ZNF692: variants seen among roughly 807,000 people sequenced by gnomAD.
ZNF692 encodes the protein AICAR responsive element binding protein.
Under a neutral mutation model 49.0 loss-of-function variants are expected in ZNF692, and 41 were observed. That is an observed-to-expected ratio of 0.84 (90% CI 0.65 to 1.08). The LOEUF (loss-of-function observed/expected upper bound fraction) is 1.08, where lower values mean the gene tolerates loss of function less well. ZNF692 is among the 50% of genes least tolerant of loss of function. The pLI, the probability that ZNF692 is intolerant of heterozygous loss-of-function variation, is 0.00. For synonymous variants in ZNF692, 288 were observed against 251.5 expected (o/e 1.15, Z -1.37); for missense variants, 662 against 662.2 (o/e 1.00, Z 0.00).
In ZNF692 at chr1:248,856,519, C is replaced by A; in HGVS notation, c.519G>T (p.Leu173Phe). The A allele has an allele frequency of 6.2e-7, 1 of 1,614,258 alleles. No homozygotes were observed. Among genetic ancestry groups the A allele is most frequent in the South Asian group, 1.1e-5 (1 of 91,086 alleles). Reference protein sequence around the residue: ...EHDERTQEARLPRRVGPPPET... With the variant: ...EHDERTQEARFPRRVGPPPET... Reference sequence around the variant, plus strand: ...TCTCCTATCCACATCCTCACCTGGGCAACCTGGCCTCTTGAGTCCTCTCAT... The same window carrying A: ...TCTCCTATCCACATCCTCACCTGGGAAACCTGGCCTCTTGAGTCCTCTCAT... Residue 173 changes from leucine (L) to phenylalanine (F), a missense_variant, in exon 5 of 12, where the codon TTG (leucine) becomes TTT (phenylalanine). Transcript: ENST00000306601.
In ZNF692 at chr1:248,850,528, G is replaced by C. The variant is rs376033211; in HGVS notation, c.1254-12C>G. On this transcript the variant is annotated splice_polypyrimidine_tract_variant and intron_variant, in intron 11 of 11. Coordinates refer to ENST00000306601, the MANE Select transcript of ZNF692 (RefSeq NM_017865.4). ...CGCATATCTCACACCTGGAGTCAGG[G>C]ACAGAAGAGGGAAGGAACAAGGCCT... 3.1e-6 allele frequency: 5 copies of C among 1,598,560 alleles called. No individual in the cohort carries two copies. In the South Asian group the frequency reaches 4.5e-5, roughly 14 times the overall value.
chr1:248,851,302 G>GAGC (rs935231329), intron 10 of ZNF692, among the ~76,000 whole-genome samples: 3 of 152,018 alleles, frequency 2.0e-5, no homozygotes, highest in African/African-American at 7.3e-5. Flanking sequence ...GTGCCCTGTG[G>GAGC]AGCTACCTGT....
chr1:248,851,338 C>T (rs948204584), intron 10 of ZNF692, among the ~76,000 whole-genome samples: 1 of 152,144 alleles, frequency 6.6e-6, no homozygotes, highest in African/African-American at 2.4e-5. Context: ...CCCCTCTCCT[C>T]TTTTTCCCTG....
intron 9 of ZNF692, 49 bp from the exon 10 acceptor site, chr1:248,854,100 A>T (rs1659937513): frequency 2.8e-6 from 4 of 1,416,354 alleles, no homozygotes; most frequent in Admixed American, 1.7e-5. Flanking sequence ...AAGGATAGCC[A>T]CCTTCCACGG....
In ZNF692 at chr1:248,855,629, C is replaced by T; in HGVS notation, c.888G>A (p.Gly296=). 1 of 1,614,204 alleles carries T rather than the reference C, an allele frequency of 6.2e-7. No individual in the cohort carries two copies. The highest frequency in any genetic ancestry group is 8.5e-7 in the Non-Finnish European group (1 of 1,180,036). ...GGGTTGGAGCAGACTGGGCCTGACT[C>T]CCAGTGCTACGGGCAGCAAAGAGGG... ...AQQTEALAST[G]SQAQSAPTPA... is the part of the protein sequence containing the mutation. The change falls in exon 8 of 12, where the codon GGG becomes GGA. Residue 296 remains glycine (G), a synonymous_variant. Transcript: ENST00000306601.
At chr1:248,857,546 C>T in intron 3 of ZNF692, 49 bp from the exon 4 acceptor site, 3 of 1,573,800 alleles carry the variant, frequency 1.9e-6, no homozygotes, top group South Asian at 1.2e-5. Flanking sequence ...GTCTCCTCCT[C>T]TTACCCTGGA....
Position 248,854,285 on chromosome 1 carries a change from C to G in ZNF692, c.1039-234G>C, listed in dbSNP as rs568590473. 4.8e-5 allele frequency: 23 copies of G among 480,784 alleles called. 2 individuals carry two copies. In the South Asian group the frequency reaches 5.4e-4, roughly 11 times the overall value. 29.8% of individuals were successfully genotyped at this position (480,784 alleles called of 1,614,324 possible). A position where few individuals can be genotyped will look rare whatever the true frequency, so the allele number is the denominator to read the frequency against. ...CACTCAACTCTCCTGTCACCCAATTCTGTGCTTTACTTCCATTATCTCACC... is the reference window on the plus strand; with the variant it reads ...CACTCAACTCTCCTGTCACCCAATTGTGTGCTTTACTTCCATTATCTCACC... On this transcript the variant is annotated intron_variant, in intron 9 of 11. Coordinates refer to ENST00000306601, the MANE Select transcript of ZNF692 (RefSeq NM_017865.4).
chr1:248,852,027 A>T (rs547677119), intron 10 of ZNF692, among the ~76,000 whole-genome samples: 3 of 152,324 alleles, frequency 2.0e-5, no homozygotes, highest in African/African-American at 7.2e-5. Flanking sequence ...GCTTGGTTAA[A>T]GCCCAACTCA....
intron 10 of ZNF692, chr1:248,851,079 C>G: frequency 1.8e-6 from 1 of 550,178 alleles, no homozygotes; most frequent in South Asian, 1.6e-5. Flanking sequence ...CCCACCTCAG[C>G]CTCTAGGCTG....
intron 9 of ZNF692, 54 bp downstream of exon 9, chr1:248,855,326 T>G: frequency 6.4e-7 from 1 of 1,574,540 alleles, no homozygotes; most frequent in Non-Finnish European, 8.7e-7. Flanking sequence ...AGTTTTTCTT[T>G]TAGCCCTTTC....
At position 248,858,246 on chromosome 1, in the gene ZNF692, C is replaced by CGTCCAGCTGCCGCCGCTT. The variant is rs1169926454; in HGVS notation, c.46_63dup (p.Lys16_Asp21dup). On this transcript the variant is annotated inframe_insertion, in exon 2 of 12. Coordinates refer to ENST00000306601, the MANE Select transcript of ZNF692 (RefSeq NM_017865.4). This position sits in a 1 kb window ranked among gnomAD's most constrained non-coding sequence, Gnocchi z 4.3. ...CGGATGCGGCACTTGCTGCGGCGCG[C>CGTCCAGCTGCCGCCGCTT]GTCCAGCTGCCGCCGCTTCTCCCGC... 5 of 1,584,374 alleles carry CGTCCAGCTGCCGCCGCTT rather than the reference C, an allele frequency of 3.2e-6. No homozygotes were observed. Among genetic ancestry groups the CGTCCAGCTGCCGCCGCTT allele is most frequent in the Non-Finnish European group, 3.4e-6 (4 of 1,165,432 alleles).
intron 10 of ZNF692, among the ~76,000 whole-genome samples, chr1:248,852,925 T>C (rs1415944374): frequency 6.6e-6 from 1 of 152,052 alleles, no homozygotes; most frequent in African/African-American, 2.4e-5. Context: ...CACACATTTA[T>C]ATTTATATTT....
rs1660475662 is a variant in ZNF692, at chr1:248,858,219, G to C, written c.91C>G (p.Leu31Val). Residue 31 changes from leucine to valine, a missense_variant, in exon 2 of 12, where the codon CTG becomes GTG. Physicochemically the swap from Leu to Val is conservative, Grantham distance 32. Transcript: ENST00000306601. The surrounding 1 kb of genome is among the most constrained non-coding windows in gnomAD (Gnocchi z 4.3). Reference sequence around the variant, plus strand: ...CACCACTGCTCCATGTGGCCGCCCAGGCGGATGCGGCACTTGCTGCGGCGC... The same window carrying C: ...CACCACTGCTCCATGTGGCCGCCCACGCGGATGCGGCACTTGCTGCGGCGC... ...DARRSKCRIRLGGHMEQWCLL... is the reference protein window; with the variant it reads ...DARRSKCRIRVGGHMEQWCLL... 6.3e-7 allele frequency: 1 copy of C among 1,592,414 alleles called. No homozygotes were observed. Among genetic ancestry groups the C allele is most frequent in the African/African-American group, 1.3e-5 (1 of 74,664 alleles).
intron 9 of ZNF692, among the ~76,000 whole-genome samples, chr1:248,855,048 C>T (rs140260629): frequency 1.3e-5 from 2 of 152,228 alleles, no homozygotes; most frequent in South Asian, 2.1e-4. Flanking sequence ...TCTCCCAGCC[C>T]GTTTCACTCT....
At position 248,857,434 on chromosome 1, in the gene ZNF692, C is replaced by T. The variant is rs143276057; in HGVS notation, c.275G>A (p.Arg92Gln). 5 of 1,613,938 alleles carry T rather than the reference C, an allele frequency of 3.1e-6. No homozygotes were observed. The highest frequency in any genetic ancestry group is 2.2e-5 in the East Asian group (1 of 44,884). ...YLVLLSHAHS[R>Q]ECSLVPGLRG... Reference sequence around the variant, plus strand: ...AAGCCCGGGCACCAGGCTGCACTCTCGGCTGTGGGCATGAGACAAGAGCAC... The same window carrying T: ...AAGCCCGGGCACCAGGCTGCACTCTTGGCTGTGGGCATGAGACAAGAGCAC... Residue 92 changes from arginine (R) to glutamine (Q), a missense_variant, in exon 4 of 12, where the codon CGA (arginine) becomes CAA (glutamine). Coordinates refer to ENST00000306601, the MANE Select transcript of ZNF692 (RefSeq NM_017865.4).
Position 248,857,453 on chromosome 1 carries a change from A to G in ZNF692, c.256T>C (p.Leu86=). 1.2e-6 allele frequency: 2 copies of G among 1,614,078 alleles called. No individual in the cohort carries two copies. Among genetic ancestry groups the G allele is most frequent in the Non-Finnish European group, 1.7e-6 (2 of 1,180,024 alleles). The part of the protein sequence containing the change: ...PPKGLQYLVL[L]SHAHSRECSL... ...CACTCTCGGCTGTGGGCATGAGACA[A>G]GAGCACCAGATACTGCAGACCTTTT... The change falls in exon 4 of 12, where the codon TTG becomes CTG. Residue 86 remains leucine, a synonymous_variant. Coordinates refer to ENST00000306601, the MANE Select transcript of ZNF692 (RefSeq NM_017865.4).
Position 248,850,305 on chromosome 1 carries a change from A to C in ZNF692, c.1465T>G (p.Cys489Gly). The C allele has an allele frequency of 6.2e-7, 1 of 1,612,638 alleles. No individual in the cohort carries two copies. Among genetic ancestry groups the C allele is most frequent in the East Asian group, 2.2e-5 (1 of 44,850 alleles). Residue 489 changes from cysteine (C) to glycine (G), a missense_variant, in exon 12 of 12, where the codon TGT (cysteine) becomes GGT (glycine). Coordinates refer to ENST00000306601, the MANE Select transcript of ZNF692 (RefSeq NM_017865.4). ...QESPSGPLEP[C>G]PSISAPGPLG... ...GGCCCAGGGGCAGAGATGCTGGGAC[A>C]GGGCTCTAGGGGACCACTGGGTGAC...
chr1:248,858,121 G>T lies in ZNF692; in HGVS notation c.179+10C>A, dbSNP rs1195826895. On this transcript the variant is annotated intron_variant, in intron 2 of 11. Coordinates refer to ENST00000306601, the MANE Select transcript of ZNF692 (RefSeq NM_017865.4). This position sits in a 1 kb window ranked among gnomAD's most constrained non-coding sequence, Gnocchi z 4.3. ...GTACCCTCCCCCAAGCCCTTCTCCC[G>T]GCCCCTAACCGGTCCAACAGGAACT... The T allele has an allele frequency of 2.6e-6, 4 of 1,560,328 alleles. No individual in the cohort carries two copies. The highest frequency in any genetic ancestry group is 3.5e-6 in the Non-Finnish European group (4 of 1,155,950).
Position 248,856,526 on chromosome 1 carries a change from G to T in ZNF692, c.512C>A (p.Ala171Asp), listed in dbSNP as rs1485269337. The change falls in exon 5 of 12, where the codon GCC becomes GAC. Residue 171 changes from alanine (A) to aspartate (D), a missense_variant. Ala to Asp is a moderately radical substitution (Grantham distance 126, BLOSUM62 -2). Transcript: ENST00000306601. ...ESEHDERTQEARLPRRVGPPP... is the reference protein window; with the variant it reads ...ESEHDERTQEDRLPRRVGPPP... ...TCCACATCCTCACCTGGGCAACCTG[G>T]CCTCTTGAGTCCTCTCATCATGCTC... is the stretch of plus-strand genomic sequence containing the variant. 5 of 1,614,074 alleles carry T rather than the reference G, an allele frequency of 3.1e-6. No homozygotes were observed. The highest frequency in any genetic ancestry group is 4.2e-6 in the Non-Finnish European group (5 of 1,180,046).
Sources: allele counts gnomAD v4.1 joint callset (sites outside exome capture counted in the v4.1 genomes callset), GRCh38; gene constraint gnomAD v4.1.1; non-coding constraint Gnocchi (gnomAD v3.1); transcripts MANE v1.5; gene names NCBI Gene and HGNC (gene_info 2026-07-23, HGNC 2026-07-21).